Variants in FECH observed in about 807,000 individuals in gnomAD.
FECH encodes ferrochelatase, mitochondrial.
FECH carries 40 observed loss-of-function variants against 56.9 expected under a neutral mutation model. The observed-to-expected ratio is 0.70, with a 90% CI of 0.55 to 0.92. FECH has a LOEUF of 0.92. FECH is among the 40% of genes least tolerant of loss of function. The pLI is 0.00. For missense variants in FECH, 431 were observed against 529.1 expected, an observed-to-expected ratio of 0.81 and a Z score of 1.82; for synonymous variants, 175 against 198.6, an observed-to-expected ratio of 0.88 and a Z score of 1.00.
intron 8 of FECH, 140 bp downstream of exon 8, chr18:57,554,705 G>A (rs771041804): frequency 4.7e-5 from 36 of 770,424 alleles, no homozygotes; most frequent in Non-Finnish European, 8.0e-5. Context: ...CTCGCTTGCA[G>A]AGTTCTTTCT....
chr18:57,579,271 A>ATGTGTG, intron 2 of FECH, among the ~76,000 whole-genome samples: 1 of 120,364 alleles, frequency 8.3e-6, no homozygotes, highest in African/African-American at 3.7e-5. Flanking sequence ...ATATATATAT[A>ATGTGTG]TATGTGTGTG....
rs200730922 is a variant in FECH at position 57,559,097 on chromosome 18, C to T, written c.804+48G>A. On this transcript the variant is annotated intron_variant, in intron 7 of 10. Coordinates refer to ENST00000262093, the MANE Select transcript of FECH (RefSeq NM_000140.5). ...ATTTTACACATTTAGAAAATGAAATCACCCAATCCTCTATCACTAGGTCAT... is the reference window on the plus strand; with the variant it reads ...ATTTTACACATTTAGAAAATGAAATTACCCAATCCTCTATCACTAGGTCAT... 267 of 1,250,288 alleles carry T rather than the reference C, an allele frequency of 2.1e-4. No individual in the cohort carries two copies. In the African/African-American group the frequency reaches 3.3e-3, roughly 16 times the overall value. 77.4% of individuals were successfully genotyped at this position (1,250,288 alleles called of 1,614,324 possible). A position where few individuals can be genotyped will look rare whatever the true frequency, so the allele number is the denominator to read the frequency against.
chr18:57,580,585 G>A (rs1180468604), intron 1 of FECH, among the ~76,000 whole-genome samples: 1 of 152,204 alleles, frequency 6.6e-6, no homozygotes, highest in East Asian at 1.9e-4. Flanking sequence ...CCGATTTCGG[G>A]AGTGGCGAGT....
intron 6 of FECH, among the ~76,000 whole-genome samples, chr18:57,560,067 C>A (rs2050922500): frequency 6.6e-6 from 1 of 152,142 alleles, no homozygotes; most frequent in Admixed American, 6.5e-5. Context: ...ACAAAAGACA[C>A]AAATGGGTCA....
chr18:57,586,591 C>A lies in FECH; in HGVS notation c.30G>T (p.Ala10=). 6.6e-7 allele frequency: 1 copy of A among 1,522,982 alleles called. No individual in the cohort carries two copies. Among genetic ancestry groups the A allele is most frequent in the Non-Finnish European group, 8.8e-7 (1 of 1,142,172 alleles). The allele number at this position is 1,522,982 out of a possible 1,614,324, so 94.3% of individuals were successfully genotyped here. ...GCAGGACGCCCGCGGCGCGCAGGGC[C>A]GCAGCCATGTTTGCGCCGAGTGAAC... is the stretch of plus-strand genomic sequence containing the variant. MRSLGANMA[A]ALRAAGVLLR... The change falls in exon 1 of 11, where the codon GCG becomes GCT. Residue 10 remains alanine (A), a synonymous_variant. Coordinates refer to ENST00000262093, the MANE Select transcript of FECH (RefSeq NM_000140.5).
At chr18:57,556,033 G>A (rs1294023196) in intron 7 of FECH, among the ~76,000 whole-genome samples, 1 of 152,196 alleles carries the variant, frequency 6.6e-6, no homozygotes, top group Non-Finnish European at 1.5e-5. Context: ...GGAGGCTGAG[G>A]CAGAAGAATC....
intron 5 of FECH, among the ~76,000 whole-genome samples, chr18:57,563,578 CCCA>C (rs1294354452): frequency 0.012 from 134 of 10,936 alleles, 2 homozygotes; most frequent in Non-Finnish European, 0.021. Flanking sequence ...GAAACTCCGT[CCCA>C]AAAAAAAAAA....
chr18:57,577,051 C>T (rs1027576838), intron 2 of FECH, among the ~76,000 whole-genome samples: 2 of 152,164 alleles, frequency 1.3e-5, no homozygotes, highest in African/African-American at 4.8e-5. Context: ...ATTAAATGTA[C>T]GTAACAGAAA....
At chr18:57,562,550 A>G (rs1030630029) in intron 6 of FECH, among the ~76,000 whole-genome samples, 4 of 152,192 alleles carry the variant, frequency 2.6e-5, no homozygotes, top group African/African-American at 9.7e-5. Context: ...CACTCAACCT[A>G]CAAATGTAAG....
intron 1 of FECH, among the ~76,000 whole-genome samples, chr18:57,584,831 C>A (rs2051341748): frequency 1.4e-5 from 2 of 145,260 alleles, no homozygotes; most frequent in Non-Finnish European, 1.5e-5. Context: ...TTACATAAGA[C>A]AATATATGCT....
Position 57,547,660 on chromosome 18 carries a change from T to C in FECH, c.*3052A>G, listed in dbSNP as rs376428221. ...TCTTTTTTTTGGTTTTGGGACAGGG[T>C]CTTCCTCTGTCACCCAGGCTGGAGT... On this transcript the variant is annotated 3_prime_UTR_variant, in exon 11 of 11. Transcript: ENST00000262093. 2.0e-5 allele frequency among the ~76,000 whole-genome samples: 3 copies of C among 151,950 alleles called. No homozygotes were observed. The highest frequency in any genetic ancestry group is 7.3e-5 in the African/African-American group (3 of 41,372).
Position 57,573,371 on chromosome 18 carries a change from T to C in FECH, c.195-6A>G. On this transcript the variant is annotated splice_region_variant and splice_polypyrimidine_tract_variant and intron_variant, in intron 2 of 10. Transcript: ENST00000262093. ...ATATTCCAGTTTTCGGCTTCCTATATAAAATAAAATACAACGGTTGATTTG... is the reference window on the plus strand; with the variant it reads ...ATATTCCAGTTTTCGGCTTCCTATACAAAATAAAATACAACGGTTGATTTG... The C allele has an allele frequency of 1.9e-6, 3 of 1,614,082 alleles. No individual in the cohort carries two copies. Among genetic ancestry groups the C allele is most frequent in the Non-Finnish European group, 2.5e-6 (3 of 1,179,988 alleles).
chr18:57,572,297 C>T (rs1249091177), intron 3 of FECH, among the ~76,000 whole-genome samples: 2 of 151,920 alleles, frequency 1.3e-5, no homozygotes, highest in Non-Finnish European at 2.9e-5. Context: ...CCATTCTCAG[C>T]AAACTATCAC....
intron 5 of FECH, among the ~76,000 whole-genome samples, chr18:57,564,521 C>G (rs2050991404): frequency 6.6e-6 from 1 of 152,192 alleles, no homozygotes; most frequent in Admixed American, 6.5e-5. Context: ...GGCTCTCTAA[C>G]TATAAGAACT....
chr18:57,559,389 C>A, intron 6 of FECH, 146 bp from the exon 7 acceptor site: 1 of 637,738 alleles, frequency 1.6e-6, no homozygotes, highest in Non-Finnish European at 2.8e-6. Context: ...AAATTGCAAA[C>A]AGTCCAGCCT....
intron 5 of FECH, 127 bp from the exon 6 acceptor site, chr18:57,563,107 C>T (rs932758708): frequency 6.8e-6 from 5 of 732,384 alleles, no homozygotes; most frequent in Non-Finnish European, 9.7e-6. Context: ...AGTCTAATTA[C>T]AATCATTTCA....
chr18:57,574,690 C>T (rs1404695957), intron 2 of FECH, among the ~76,000 whole-genome samples: 1 of 152,292 alleles, frequency 6.6e-6, no homozygotes, highest in Non-Finnish European at 1.5e-5. Context: ...GGACCAGGTG[C>T]CTCTGGCACG....
chr18:57,563,050 G>C (rs2050966665), intron 5 of FECH, 70 bp from the exon 6 acceptor site: 3 of 1,252,764 alleles, frequency 2.4e-6, no homozygotes, highest in Non-Finnish European at 3.4e-6. Context: ...GACTCGTAAA[G>C]GTAGTATATA....
intron 7 of FECH, 86 bp from the exon 8 acceptor site, chr18:57,555,038 C>A: frequency 9.6e-7 from 1 of 1,044,252 alleles, no homozygotes; most frequent in South Asian, 1.3e-5. Flanking sequence ...CAGTGTGAGC[C>A]CTGGAACAAA....
Sources: allele counts gnomAD v4.1 joint callset (sites outside exome capture counted in the v4.1 genomes callset), GRCh38; gene constraint gnomAD v4.1.1; transcripts MANE v1.5; gene names NCBI Gene and HGNC (gene_info 2026-07-23, HGNC 2026-07-21).